Variants in ASAP1 observed in about 807,000 individuals in gnomAD.
ASAP1 encodes the protein arf-GAP with SH3 domain, ANK repeat and PH domain-containing protein 1.
Under a neutral mutation model 145.2 loss-of-function variants are expected in ASAP1, and 43 were observed. That is an observed-to-expected ratio of 0.30 (90% confidence interval 0.23 to 0.38). The LOEUF is 0.38. Among genes scored for constraint, ASAP1 ranks in the 10% least tolerant of loss-of-function variants. ASAP1 has a pLI of 1.00. For missense variants in ASAP1, 1,018 were observed against 1,355.3 expected (o/e 0.75, Z 3.91); for synonymous variants, 546 against 515.5 (o/e 1.06, Z -0.80).
In ASAP1 at chr8:130,275,399, A is replaced by G. The variant is rs551672022; in HGVS notation, c.187-38405T>C. ...ATAATGGCTTTGGGCAGCAGCACTT[A>G]CGTACTTTCAGATGGATGACCCAGG... On this transcript the variant is annotated intron_variant, in intron 3 of 29. Transcript: ENST00000518721. Among the ~76,000 whole-genome samples, 83 of 152,360 alleles carry G rather than the reference A, an allele frequency of 5.4e-4. 1 individual carries two copies. The South Asian group carries it at 0.017, about 30-fold the overall frequency.
intron 27 of ASAP1, among the ~76,000 whole-genome samples, chr8:130,074,116 A>G (rs2097456296): frequency 7.4e-6 from 1 of 134,514 alleles, no homozygotes; most frequent in Admixed American, 7.1e-5. Flanking sequence ...ACAAGTTCTT[A>G]AAAAAAAAAA....
At chr8:130,157,775 T>C (rs1207548492) in intron 12 of ASAP1, among the ~76,000 whole-genome samples, 3 of 152,110 alleles carry the variant, frequency 2.0e-5, no homozygotes, top group African/African-American at 7.2e-5. Flanking sequence ...CTTCCTTTGC[T>C]CAAACATCAA....
chr8:130,276,778 C>G (rs541126462), intron 3 of ASAP1, among the ~76,000 whole-genome samples: 1 of 145,692 alleles, frequency 6.9e-6, no homozygotes, highest in African/African-American at 2.6e-5. Context: ...CAAAAAAGCT[C>G]CATGGCAGCA....
intron 3 of ASAP1, among the ~76,000 whole-genome samples, chr8:130,249,395 T>C (rs10956515): frequency 0.18 from 27,801 of 152,174 alleles, 3,219 homozygotes; most frequent in East Asian, 0.44. Context: ...TGTCCTAACA[T>C]GCCAGGCTCC....
intron 3 of ASAP1, among the ~76,000 whole-genome samples, chr8:130,291,885 G>A (rs1821967051): frequency 1.3e-5 from 2 of 152,150 alleles, no homozygotes; most frequent in African/African-American, 4.8e-5. Context: ...CTTACGAGGG[G>A]ACACTGAGGA....
intron 4 of ASAP1, among the ~76,000 whole-genome samples, chr8:130,223,750 T>C (rs1013904158): frequency 6.6e-6 from 1 of 152,096 alleles, no homozygotes; most frequent in African/African-American, 2.4e-5. Context: ...AGAGTCTCAC[T>C]TCCTTAATTT....
At chr8:130,134,630 C>T (rs548209667) in intron 14 of ASAP1, among the ~76,000 whole-genome samples, 15 of 152,202 alleles carry the variant, frequency 9.9e-5, no homozygotes, top group East Asian at 5.8e-4. Context: ...TTCATTCTGT[C>T]GAGGTTATTC....
chr8:130,374,587 A>AT (rs1345946064), intron 2 of ASAP1, among the ~76,000 whole-genome samples: 1 of 152,244 alleles, frequency 6.6e-6, no homozygotes, highest in Non-Finnish European at 1.5e-5. Flanking sequence ...ATTGCTTTTT[A>AT]ACAAGCTTAC....
At chr8:130,197,725 G>GAGTT (rs759030150) in intron 5 of ASAP1, among the ~76,000 whole-genome samples, 3 of 152,212 alleles carry the variant, frequency 2.0e-5, no homozygotes, top group Non-Finnish European at 2.9e-5. Flanking sequence ...TGTGTGTTCT[G>GAGTT]AGTTAGGGAA....
At chr8:130,420,296 C>A (rs1047520008) in intron 1 of ASAP1, among the ~76,000 whole-genome samples, 1 of 149,916 alleles carries the variant, frequency 6.7e-6, no homozygotes, top group African/African-American at 2.5e-5. Flanking sequence ...AATAACAAGT[C>A]TTGGCGAGGA....
At chr8:130,321,199 T>C (rs2137660964) in intron 3 of ASAP1, among the ~76,000 whole-genome samples, 1 of 152,148 alleles carries the variant, frequency 6.6e-6, no homozygotes, top group South Asian at 2.1e-4. Flanking sequence ...TTATAGTGAA[T>C]AAGCCCCAGT....
chr8:130,149,579 T>C (rs750854911), intron 13 of ASAP1, among the ~76,000 whole-genome samples: 1 of 152,058 alleles, frequency 6.6e-6, no homozygotes, highest in Non-Finnish European at 1.5e-5. Flanking sequence ...CTGAATCACT[T>C]TGATAAGAAC....
At chr8:130,087,019 T>G (rs1180770210) in intron 25 of ASAP1, among the ~76,000 whole-genome samples, 1 of 152,170 alleles carries the variant, frequency 6.6e-6, no homozygotes, top group African/African-American at 2.4e-5. Context: ...ATGCAACATC[T>G]ACTTCCTTCT....
chr8:130,267,131 AAAC>A (rs200558359), intron 3 of ASAP1, among the ~76,000 whole-genome samples: 2,398 of 150,868 alleles, frequency 0.016, 51 homozygotes, highest in East Asian at 0.042. Context: ...AACAAAAAAA[AAAC>A]AAAACAAAAA....
rs6992094 is a variant in ASAP1 at position 130,278,561 on chromosome 8, C to A, written c.187-41567G>T. 3.4e-3 allele frequency among the ~76,000 whole-genome samples: 521 copies of A among 152,216 alleles called. 5 individuals are homozygous for A. Among genetic ancestry groups the A allele is most frequent in the African/African-American group, 0.012 (502 of 41,526 alleles). On this transcript the variant is annotated intron_variant, in intron 3 of 29. Coordinates refer to ENST00000518721, the MANE Select transcript of ASAP1 (RefSeq NM_018482.4). ...ACATTCTTTGCAAAAGTCTTCCATG[C>A]AAATAAGCCTTTCTCTTTTTTTCCT...
At chr8:130,114,873 C>T (rs186234877) in intron 23 of ASAP1, among the ~76,000 whole-genome samples, 2 of 151,038 alleles carry the variant, frequency 1.3e-5, no homozygotes, top group Admixed American at 6.6e-5. Flanking sequence ...CTCCTGGGCT[C>T]AAGCAATCCT....
intron 6 of ASAP1, 48 bp downstream of exon 6, chr8:130,188,061 A>C: frequency 7.1e-7 from 1 of 1,409,618 alleles, no homozygotes; most frequent in Non-Finnish European, 9.9e-7. Context: ...GGAAAAAAAA[A>C]ATTAATCCTT....
At chr8:130,365,405 T>C (rs1338004829) in intron 2 of ASAP1, among the ~76,000 whole-genome samples, 2 of 152,194 alleles carry the variant, frequency 1.3e-5, no homozygotes, top group Non-Finnish European at 2.9e-5. Context: ...TCATTTCTAA[T>C]ACAAGTAAAA....
At chr8:130,177,087 C>G (rs544456573) in intron 9 of ASAP1, among the ~76,000 whole-genome samples, 1 of 152,216 alleles carries the variant, frequency 6.6e-6, no homozygotes, top group African/African-American at 2.4e-5. Flanking sequence ...GGACAATTAA[C>G]TCCTGAGCGG....
Sources: gnomAD v4.1 joint callset for allele counts (sites outside exome capture counted in the v4.1 genomes callset) on GRCh38, gnomAD v4.1.1 for gene constraint, MANE v1.5 for transcripts, NCBI Gene and HGNC (gene_info 2026-07-23, HGNC 2026-07-21) for gene names.